The following CTBP1 variants were observed in gnomAD, a reference collection of about 807,000 sequenced individuals.
CTBP1 encodes the protein C-terminal-binding protein 1.
Under a neutral mutation model 42.1 loss-of-function variants are expected in CTBP1, and 11 were observed. The observed-to-expected ratio is 0.26, with a 90% CI of 0.16 to 0.43. CTBP1 has a LOEUF of 0.43. Ranked by LOEUF, CTBP1 falls within the 20% of genes least tolerant of loss-of-function variation. The pLI is 1.00. For synonymous variants in CTBP1, 324 were observed against 277.1 expected, an observed-to-expected ratio of 1.17 and a Z score of -1.68; for missense variants, 399 against 624.3, an observed-to-expected ratio of 0.64 and a Z score of 3.85.
intron 1 of CTBP1, chr4:1,243,326 G>A (rs1240527310): frequency 2.0e-6 from 2 of 985,304 alleles, no homozygotes; most frequent in Non-Finnish European, 1.2e-6. Flanking sequence ...AGGAGGCCGT[G>A]AGCTCCCGAG....
At chr4:1,244,712 C>T in intron 1 of CTBP1, 2 of 985,274 alleles carry the variant, frequency 2.0e-6, no homozygotes, top group South Asian at 4.7e-5. Context: ...CCTGCCCTGT[C>T]CCCATAAGCC....
At chr4:1,224,593 T>C (rs546826436) in intron 5 of CTBP1, among the ~76,000 whole-genome samples, 2 of 151,364 alleles carry the variant, frequency 1.3e-5, no homozygotes, top group Admixed American at 1.3e-4. Flanking sequence ...TGTCTGTGTG[T>C]GCCACGATGT....
intron 1 of CTBP1, chr4:1,244,329 A>C (rs1444863062): frequency 3.1e-6 from 3 of 978,708 alleles, no homozygotes; most frequent in Non-Finnish European, 3.6e-6. Context: ...CCCGATCCAG[A>C]CAGCCACAGT....
Position 1,238,315 on chromosome 4 carries a change from G to C in CTBP1, c.30C>G (p.Asn10Lys), listed in dbSNP as rs546003895. 1 of 1,581,240 alleles carries C rather than the reference G, an allele frequency of 6.3e-7. No individual in the cohort carries two copies. The highest frequency in any genetic ancestry group is 1.3e-5 in the African/African-American group (1 of 74,224). ...CCAGGGGCCGCGGGTGCAGGGGCCC[G>C]TTCATGATCGGAGGTCGGACGCCTG... Reference protein sequence around the residue: MSGVRPPIMNGPLHPRPLVA... With the variant: MSGVRPPIMKGPLHPRPLVA... Residue 10 changes from asparagine to lysine, a missense_variant, in exon 3 of 10, where the codon AAC (asparagine) becomes AAG (lysine). By Grantham distance (94) the Asn-to-Lys change is moderately conservative. This residue lies in a region of CTBP1 where 17 missense variants were observed against 18.7 expected (regional missense o/e 0.91). Transcript: ENST00000382952. This position sits in a 1 kb window ranked among gnomAD's most constrained non-coding sequence, Gnocchi z 5.9.
chr4:1,242,269 G>T (rs1732256669), intron 1 of CTBP1: 3 of 985,404 alleles, frequency 3.0e-6, no homozygotes, highest in Non-Finnish European at 3.6e-6. Flanking sequence ...CCTCGGGAGG[G>T]TGTCACTGAG....
At chr4:1,243,262 G>A (rs1732372195) in intron 1 of CTBP1, 1 of 985,416 alleles carries the variant, frequency 1.0e-6, no homozygotes, top group Non-Finnish European at 1.2e-6. Flanking sequence ...TGTCTCTGAG[G>A]AAGAAGCAGA....
At chr4:1,240,027 T>C (rs1731999625) in intron 2 of CTBP1, among the ~76,000 whole-genome samples, 1 of 152,242 alleles carries the variant, frequency 6.6e-6, no homozygotes, top group Non-Finnish European at 1.5e-5. Context: ...AGTGAGTGGA[T>C]AGACATCCGC....
intron 3 of CTBP1, chr4:1,236,474 C>T (rs901692354): frequency 1.4e-5 from 8 of 587,474 alleles, no homozygotes; most frequent in South Asian, 4.0e-5. Context: ...GCTGGCATCC[C>T]GAGGACCTGC....
rs547129822 is a variant in CTBP1, at chr4:1,228,920, G to A, written c.163-577C>T. 5.3e-5 allele frequency among the ~76,000 whole-genome samples: 8 copies of A among 152,232 alleles called. No individual in the cohort carries two copies. In the South Asian group the frequency reaches 1.4e-3, roughly 28 times the overall value. ...CAGGAGCATGCACTGCCCCCGTGTCGCCCAAGAACCTGCCCAGAAATGCTG... is the reference window on the plus strand; with the variant it reads ...CAGGAGCATGCACTGCCCCCGTGTCACCCAAGAACCTGCCCAGAAATGCTG... On this transcript the variant is annotated intron_variant, in intron 3 of 9. Transcript: ENST00000382952.
In CTBP1 at chr4:1,225,469, C is replaced by A; in HGVS notation, c.405G>T (p.Leu135=). The A allele has an allele frequency of 7.8e-6, 12 of 1,542,916 alleles. No individual in the cohort carries two copies. The highest frequency in any genetic ancestry group is 1.0e-5 in the Non-Finnish European group (12 of 1,146,698). ...GTGTGCCCTCCCGCAGCGCCTGGTGCAGCCAGGTGGCCCGCCGGTACAGGT... is the reference window on the plus strand; with the variant it reads ...GTGTGCCCTCCCGCAGCGCCTGGTGAAGCCAGGTGGCCCGCCGGTACAGGT... ...ILNLYRRATW[L]HQALREGTRV... is the part of the protein sequence containing the mutation. The change falls in exon 5 of 10, where the codon CTG becomes CTT. Residue 135 remains leucine, a synonymous_variant. Coordinates refer to ENST00000382952, the MANE Select transcript of CTBP1 (RefSeq NM_001012614.2).
At chr4:1,227,892 T>G (rs2108755973) in intron 4 of CTBP1, among the ~76,000 whole-genome samples, 1 of 152,340 alleles carries the variant, frequency 6.6e-6, no homozygotes. Flanking sequence ...CTGACGGCCC[T>G]GCCCTCACCC....
At chr4:1,237,093 C>G in intron 3 of CTBP1, 1 of 670,664 alleles carries the variant, frequency 1.5e-6, no homozygotes, top group South Asian at 1.6e-5. Context: ...TGTCCACCTC[C>G]TGATGAGGCT....
chr4:1,221,122 C>T (rs188782019), intron 5 of CTBP1, among the ~76,000 whole-genome samples: 310 of 152,344 alleles, frequency 2.0e-3, no homozygotes, highest in African/African-American at 7.0e-3. Flanking sequence ...AAGAACCTGA[C>T]GCAGACCACG....
intron 2 of CTBP1, 136 bp downstream of exon 2, chr4:1,241,189 T>A: frequency 1.4e-6 from 1 of 740,092 alleles, no homozygotes; most frequent in Non-Finnish European, 2.5e-6. Flanking sequence ...ACACCGGGGG[T>A]CAGGTGGCAG....
rs1323757195 is a variant in CTBP1, at chr4:1,238,768, C to A, written c.8-431G>T. ...AGACATTTCCAGACCCACCGAGACA[C>A]CTCCCGACCCTCCTAGGCCCTCCAA... On this transcript the variant is annotated intron_variant, in intron 2 of 9. Coordinates refer to ENST00000382952, the MANE Select transcript of CTBP1 (RefSeq NM_001012614.2). This position sits in a 1 kb window ranked among gnomAD's most constrained non-coding sequence, Gnocchi z 5.9. Among the ~76,000 whole-genome samples, 4 of 151,648 alleles carry A rather than the reference C, an allele frequency of 2.6e-5. No individual in the cohort carries two copies. The highest frequency in any genetic ancestry group is 6.6e-5 in the Admixed American group (1 of 15,248).
chr4:1,214,322 C>A (rs376846832), intron 7 of CTBP1, 21 bp downstream of exon 7: 2 of 1,530,662 alleles, frequency 1.3e-6, no homozygotes, highest in Admixed American at 2.3e-5. Context: ...AGCAGGGGGG[C>A]GGCACTGGCC....
intron 1 of CTBP1, chr4:1,242,355 C>A (rs560757741): frequency 1.0e-5 from 10 of 985,312 alleles, no homozygotes; most frequent in Non-Finnish European, 1.2e-5. Flanking sequence ...TGACATCAGG[C>A]TGACCAGGAC....
At chr4:1,249,582 C>A, upstream of CTBP1, 1 of 334,486 alleles carries the variant, frequency 3.0e-6, no homozygotes, top group Admixed American at 4.1e-5. Flanking sequence ...GCCCGTGCGC[C>A]TCCGAGGCTG....
intron 5 of CTBP1, among the ~76,000 whole-genome samples, chr4:1,225,103 G>A (rs1256843752): frequency 6.6e-6 from 1 of 151,868 alleles, no homozygotes; most frequent in African/African-American, 2.4e-5. Flanking sequence ...GTGTGAGGCT[G>A]TGTGTGCTGT....
Sources: allele counts gnomAD v4.1 joint callset (sites outside exome capture counted in the v4.1 genomes callset), GRCh38; gene constraint gnomAD v4.1.1; regional missense constraint gnomAD v4.1.1; non-coding constraint Gnocchi (gnomAD v3.1); transcripts MANE v1.5; gene names NCBI Gene and HGNC (gene_info 2026-07-23, HGNC 2026-07-21).